MSI2: variants seen among roughly 807,000 people sequenced by gnomAD.
MSI2 encodes musashi RNA binding protein 2, also known as RNA-binding protein Musashi homolog 2.
Under a neutral mutation model 45.6 loss-of-function variants are expected in MSI2, and 17 were observed. The ratio of observed to expected loss-of-function variants is 0.37; its 90% CI spans 0.26 to 0.56. The LOEUF (loss-of-function observed/expected upper bound fraction) is 0.56, where lower values mean the gene tolerates loss of function less well. Among genes scored for constraint, MSI2 ranks in the 20% least tolerant of loss-of-function variants. The probability of loss-of-function intolerance (pLI) is 0.77; values close to 1 mark genes in which losing one functional copy is unlikely to be tolerated. For synonymous variants in MSI2, 156 were observed against 158.2 expected, an observed-to-expected ratio of 0.99 and a Z score of 0.11; for missense variants, 293 against 444.2, an observed-to-expected ratio of 0.66 and a Z score of 3.06.
intron 9 of MSI2, among the ~76,000 whole-genome samples, chr17:57,619,654 G>A (rs984707538): frequency 6.6e-6 from 1 of 152,174 alleles, no homozygotes; most frequent in Non-Finnish European, 1.5e-5. Context: ...GGCTTTGCCT[G>A]CAGCTCGTGG....
chr17:57,560,209 C>T (rs1487049866), intron 7 of MSI2, among the ~76,000 whole-genome samples: 1 of 152,220 alleles, frequency 6.6e-6, no homozygotes. Flanking sequence ...ATGACATCTT[C>T]ATAACTTGCC....
At chr17:57,554,322 G>A (rs1181757088) in intron 7 of MSI2, among the ~76,000 whole-genome samples, 2 of 152,068 alleles carry the variant, frequency 1.3e-5, no homozygotes, top group African/African-American at 4.8e-5. Flanking sequence ...ATAGTTTTAT[G>A]GAGCATTACT....
At chr17:57,631,712 C>T in intron 10 of MSI2, 2 of 1,235,508 alleles carry the variant, frequency 1.6e-6, no homozygotes, top group Non-Finnish European at 2.3e-6. Context: ...GGGATCTCCC[C>T]TGCTTCCTCT....
chr17:57,623,470 G>T (rs1344928572), intron 9 of MSI2, among the ~76,000 whole-genome samples: 1 of 152,142 alleles, frequency 6.6e-6, no homozygotes, highest in East Asian at 1.9e-4. Flanking sequence ...TCCCCAAAAT[G>T]GGGACTCAAA....
At chr17:57,289,383 A>T (rs1910206648) in intron 5 of MSI2, among the ~76,000 whole-genome samples, 1 of 151,978 alleles carries the variant, frequency 6.6e-6, no homozygotes, top group Non-Finnish European at 1.5e-5. Context: ...AAGCTCCACG[A>T]GTTTGATTTG....
At position 57,280,663 on chromosome 17, in the gene MSI2, A is replaced by G. The variant is rs1231886180; in HGVS notation, c.312+18471A>G. ...GTTGAGTGTAACCCCTTGGCTGGCA[A>G]TCGGCATACTCTTAGTGACGGACCC... is the stretch of plus-strand genomic sequence containing the variant. On this transcript the variant is annotated intron_variant, in intron 5 of 13. Transcript: ENST00000284073. The surrounding 1 kb of genome is among the most constrained non-coding windows in gnomAD (Gnocchi z 4.2). Among the ~76,000 whole-genome samples the G allele has an allele frequency of 2.0e-5, 3 of 152,162 alleles. No individual in the cohort carries two copies. Among genetic ancestry groups the G allele is most frequent in the Non-Finnish European group, 4.4e-5 (3 of 68,044 alleles).
intron 7 of MSI2, among the ~76,000 whole-genome samples, chr17:57,559,954 G>A (rs1231838361): frequency 6.6e-6 from 1 of 152,248 alleles, no homozygotes; most frequent in Non-Finnish European, 1.5e-5. Flanking sequence ...GCTATTGGTC[G>A]GTGGAATTGT....
chr17:57,619,278 G>A (rs1231182915), intron 9 of MSI2, among the ~76,000 whole-genome samples: 2 of 152,236 alleles, frequency 1.3e-5, no homozygotes, highest in Admixed American at 6.5e-5. Context: ...AAGAGCACCT[G>A]CTGCGTGACC....
At chr17:57,539,351 T>A (rs1329996880) in intron 7 of MSI2, among the ~76,000 whole-genome samples, 2 of 151,934 alleles carry the variant, frequency 1.3e-5, no homozygotes, top group Non-Finnish European at 2.9e-5. Flanking sequence ...CCAATTTGAA[T>A]TGTCAATGCA....
chr17:57,637,813 G>A (rs1909952958), intron 10 of MSI2, among the ~76,000 whole-genome samples: 1 of 152,216 alleles, frequency 6.6e-6, no homozygotes, highest in East Asian at 1.9e-4. Context: ...GCTATGGCAG[G>A]ATGGCAGCAG....
At chr17:57,492,125 G>A (rs896947111) in intron 6 of MSI2, among the ~76,000 whole-genome samples, 1 of 152,186 alleles carries the variant, frequency 6.6e-6, no homozygotes, top group Non-Finnish European at 1.5e-5. Context: ...GTACTGAATT[G>A]CCTAAGTCTT....
intron 11 of MSI2, among the ~76,000 whole-genome samples, chr17:57,656,716 G>GGAGGTC (rs1290483924): frequency 3.9e-5 from 6 of 152,202 alleles, no homozygotes; most frequent in Admixed American, 3.9e-4. Flanking sequence ...AGACAGAAAG[G>GGAGGTC]GAGGTCGGCT....
chr17:57,462,600 A>G (rs911284388), intron 6 of MSI2, among the ~76,000 whole-genome samples: 3 of 152,246 alleles, frequency 2.0e-5, no homozygotes, highest in African/African-American at 7.2e-5. Flanking sequence ...GCATACTTGG[A>G]GAATTTCCTT....
chr17:57,265,538 G>A (rs2143219571), intron 5 of MSI2: 1 of 152,302 alleles, frequency 6.6e-6, no homozygotes, highest in African/African-American at 2.4e-5. Context: ...AATCTGTTTA[G>A]ACCAGAATTT....
intron 6 of MSI2, among the ~76,000 whole-genome samples, chr17:57,527,857 C>T (rs17821769): frequency 6.6e-6 from 1 of 152,172 alleles, no homozygotes; most frequent in Non-Finnish European, 1.5e-5. Flanking sequence ...TTTGATTTGT[C>T]TGCAGGCACC....
intron 6 of MSI2, among the ~76,000 whole-genome samples, chr17:57,442,728 G>C (rs542090348): frequency 6.6e-6 from 1 of 152,204 alleles, no homozygotes; most frequent in Non-Finnish European, 1.5e-5. Context: ...CGAGGGAGGC[G>C]GTGCTGGCCT....
chr17:57,657,104 G>T (rs368455026), intron 11 of MSI2, among the ~76,000 whole-genome samples: 25 of 152,306 alleles, frequency 1.6e-4, no homozygotes, highest in African/African-American at 5.5e-4. Flanking sequence ...CCAGGAAAAC[G>T]TCGGAGTCCA....
intron 7 of MSI2, among the ~76,000 whole-genome samples, chr17:57,533,277 C>T (rs111776390): frequency 2.6e-5 from 4 of 152,304 alleles, no homozygotes; most frequent in East Asian, 1.9e-4. Context: ...ATGAGCCTCC[C>T]GCAATGTATG....
At chr17:57,259,366 C>T (rs1284625635) in intron 4 of MSI2, among the ~76,000 whole-genome samples, 1 of 152,256 alleles carries the variant, frequency 6.6e-6, no homozygotes, top group Non-Finnish European at 1.5e-5. Context: ...AAGACATTCC[C>T]TACCTCTGGG....
Sources: gnomAD v4.1 joint callset for allele counts (sites outside exome capture counted in the v4.1 genomes callset) on GRCh38, gnomAD v4.1.1 for gene constraint, Gnocchi (gnomAD v3.1) non-coding constraint, MANE v1.5 for transcripts, NCBI Gene and HGNC (gene_info 2026-07-23, HGNC 2026-07-21) for gene names.